Variants in LYST observed in about 807,000 individuals in gnomAD.
LYST encodes lysosomal-trafficking regulator.
LYST carries 192 observed loss-of-function variants against 413.6 expected under a neutral mutation model. The ratio of observed to expected loss-of-function variants is 0.46; its 90% CI spans 0.41 to 0.52. The LOEUF (loss-of-function observed/expected upper bound fraction) is 0.52. Among genes scored for constraint, LYST ranks in the 20% least tolerant of loss-of-function variants. LYST has a pLI of 0.00. For missense variants in LYST, 3,815 were observed against 4,499.9 expected (o/e 0.85, Z 4.35); for synonymous variants, 1,525 against 1,567.3 (o/e 0.97, Z 0.64).
chr1:235,870,319 G>T (rs892528352), upstream of LYST, among the ~76,000 whole-genome samples: 1 of 152,180 alleles, frequency 6.6e-6, no homozygotes, highest in Non-Finnish European at 1.5e-5. Context: ...GCCCACACCT[G>T]TGTCAATCCC....
intron 19 of LYST, 133 bp from the exon 20 acceptor site, chr1:235,770,430 A>G: frequency 4.7e-6 from 4 of 851,208 alleles, no homozygotes; most frequent in Non-Finnish European, 7.9e-6. Context: ...TGTCTGCAAA[A>G]AGCCAATGTT....
intron 5 of LYST, among the ~76,000 whole-genome samples, chr1:235,807,837 GTAAATA>G (rs1673038500): frequency 6.6e-6 from 1 of 151,982 alleles, no homozygotes; most frequent in Non-Finnish European, 1.5e-5. Context: ...GGTTATAAAT[GTAAATA>G]TAATATTTTA....
chr1:235,790,833 T>C (rs1161671187), intron 12 of LYST, among the ~76,000 whole-genome samples: 1 of 152,184 alleles, frequency 6.6e-6, no homozygotes, highest in Non-Finnish European at 1.5e-5. Flanking sequence ...TTTATTCTAA[T>C]GTTGGAGAAT....
rs1012424598 is a variant in LYST, at chr1:235,712,171, T to A, written c.9811A>T (p.Thr3271Ser). Residue 3271 changes from threonine (T) to serine (S), a missense_variant, in exon 43 of 53, where the codon ACT (threonine) becomes TCT (serine). Thr to Ser is a moderately conservative substitution (Grantham distance 58, BLOSUM62 1). Transcript: ENST00000389793. ...CAAGTTGTATTTGTAGAATGAAAAG[T>A]TCTGTCTGGAATGTCAAAACTTTGA... is the stretch of plus-strand genomic sequence containing the variant. The part of the protein sequence containing the change: ...QDQSFDIPDR[T>S]FHSTNTTWRL... 9.5e-6 allele frequency: 15 copies of A among 1,585,188 alleles called. No individual in the cohort carries two copies. Among genetic ancestry groups the A allele is most frequent in the African/African-American group, 2.7e-5 (2 of 74,216 alleles).
intron 18 of LYST, 27 bp downstream of exon 18, chr1:235,774,886 A>G (rs1327693488): frequency 2.0e-6 from 3 of 1,500,556 alleles, no homozygotes; most frequent in Non-Finnish European, 2.8e-6. Context: ...ATATGAAACT[A>G]TAAGAATAAA....
At chr1:235,716,662 A>G (rs1294881017) in intron 41 of LYST, 50 bp downstream of exon 41, 5 of 1,243,400 alleles carry the variant, frequency 4.0e-6, no homozygotes, top group Non-Finnish European at 4.7e-6. Flanking sequence ...AGTCTGTAAA[A>G]CAAAACACAA....
chr1:235,717,348 G>A (rs1431215504), intron 40 of LYST, among the ~76,000 whole-genome samples: 1 of 152,156 alleles, frequency 6.6e-6, no homozygotes, highest in East Asian at 1.9e-4. Context: ...TAATACCATT[G>A]CGCACAGTGT....
Position 235,757,464 on chromosome 1 carries a change from A to G in LYST, c.6882-6T>C, listed in dbSNP as rs1278747377. The G allele has an allele frequency of 3.7e-6, 6 of 1,612,034 alleles. No individual in the cohort carries two copies. Among genetic ancestry groups the G allele is most frequent in the Non-Finnish European group, 5.1e-6 (6 of 1,178,402 alleles). On this transcript the variant is annotated splice_region_variant and splice_polypyrimidine_tract_variant and intron_variant, in intron 23 of 52. Coordinates refer to ENST00000389793, the MANE Select transcript of LYST (RefSeq NM_000081.4). Reference sequence around the variant, plus strand: ...CCAAACAGTCTTCAGTTACACTAAAACAGAGACCAAAAAAGTCTTACTAAC... The same window carrying G: ...CCAAACAGTCTTCAGTTACACTAAAGCAGAGACCAAAAAAGTCTTACTAAC...
At chr1:235,750,388 G>A (rs1338495769) in intron 28 of LYST, among the ~76,000 whole-genome samples, 1 of 152,164 alleles carries the variant, frequency 6.6e-6, no homozygotes, top group Non-Finnish European at 1.5e-5. Context: ...TTACAAGTGA[G>A]TTTTTCACAT....
At chr1:235,697,773 A>C (rs1191124127) in intron 45 of LYST, among the ~76,000 whole-genome samples, 1 of 152,226 alleles carries the variant, frequency 6.6e-6, no homozygotes, top group African/African-American at 2.4e-5. Flanking sequence ...TCAAATAGAT[A>C]CGTGATGAGT....
chr1:235,729,683 A>G, intron 36 of LYST, 26 bp from the exon 37 acceptor site: 1 of 1,514,876 alleles, frequency 6.6e-7, no homozygotes. Context: ...TAAAATTACT[A>G]TGACTAAATG....
chr1:235,857,704 T>TACAC (rs145682413), intron 1 of LYST, among the ~76,000 whole-genome samples: 1 of 145,092 alleles, frequency 6.9e-6, no homozygotes, highest in African/African-American at 2.6e-5. Flanking sequence ...TGTATATATA[T>TACAC]ACACACACAC....
In LYST at chr1:235,806,285, A is replaced by G. The variant is rs773810421; in HGVS notation, c.2851T>C (p.Leu951=). 6.2e-7 allele frequency: 1 copy of G among 1,614,078 alleles called. No individual in the cohort carries two copies. The highest frequency in any genetic ancestry group is 8.5e-7 in the Non-Finnish European group (1 of 1,180,000). The change falls in exon 6 of 53, where the codon TTG becomes CTG. Residue 951 remains leucine, a synonymous_variant. Coordinates refer to ENST00000389793, the MANE Select transcript of LYST (RefSeq NM_000081.4). ...LPCISLESLV[L]PSPEHMHQAA... ...TGGTGCATATGTTCAGGAGAAGGCA[A>G]GACAAGGCTCTCGAGAGATATACAT...
intron 1 of LYST, among the ~76,000 whole-genome samples, chr1:235,863,200 G>A (rs1184862621): frequency 6.6e-6 from 1 of 151,952 alleles, no homozygotes; most frequent in African/African-American, 2.4e-5. Flanking sequence ...AGATCATCCA[G>A]GCTAACACAG....
rs1327395159 is a variant in LYST, at chr1:235,665,195, C to T, written c.11039-574G>A. ...GTGTACAGTAACAAGGTAAAATAAT[C>T]ATCTTTGTGTAATTGTAATATTTCA... On this transcript the variant is annotated intron_variant, in intron 50 of 52. Coordinates refer to ENST00000389793, the MANE Select transcript of LYST (RefSeq NM_000081.4). Among the ~76,000 whole-genome samples, 2 of 152,070 alleles carry T rather than the reference C, an allele frequency of 1.3e-5. 1 individual carries two copies. Among genetic ancestry groups the T allele is most frequent in the Middle Eastern group, 6.3e-3 (2 of 316 alleles).
At chr1:235,771,917 G>GTTT (rs1215590592) in intron 19 of LYST, among the ~76,000 whole-genome samples, 452 of 72,494 alleles carry the variant, frequency 6.2e-3, no homozygotes, top group Middle Eastern at 0.01. Context: ...TTTTTAGTTT[G>GTTT]TTTTTTTTTT....
chr1:235,681,275 A>G (rs1317388485), intron 48 of LYST, among the ~76,000 whole-genome samples: 2 of 152,148 alleles, frequency 1.3e-5, no homozygotes, highest in Non-Finnish European at 2.9e-5. Context: ...GAAAGGAGAT[A>G]TGAAAGAAAG....
rs550605465 is a variant in LYST at position 235,729,920 on chromosome 1, G to T, written c.9045-263C>A. Among the ~76,000 whole-genome samples, 351 of 152,094 alleles carry T rather than the reference G, an allele frequency of 2.3e-3. 1 individual carries two copies. The highest frequency in any genetic ancestry group is 4.8e-3 in the South Asian group (23 of 4,826). On this transcript the variant is annotated intron_variant, in intron 36 of 52. Transcript: ENST00000389793. Reference sequence around the variant, plus strand: ...TATAGAAATTAAGTTATTTAAAAGAGATATCAATATTTTATATTTTCTAAT... The same window carrying T: ...TATAGAAATTAAGTTATTTAAAAGATATATCAATATTTTATATTTTCTAAT...
intron 1 of LYST, among the ~76,000 whole-genome samples, chr1:235,877,361 T>C (rs946541771): frequency 2.6e-5 from 4 of 152,204 alleles, no homozygotes; most frequent in Non-Finnish European, 2.9e-5. Flanking sequence ...ATAGGAATCA[T>C]GGGAACACAG....
Sources: gnomAD v4.1 joint callset for allele counts (sites outside exome capture counted in the v4.1 genomes callset) on GRCh38, gnomAD v4.1.1 for gene constraint, MANE v1.5 for transcripts, NCBI Gene and HGNC (gene_info 2026-07-23, HGNC 2026-07-21) for gene names.